WWC2: variants seen among roughly 807,000 people sequenced by gnomAD.
The protein encoded by WWC2 is WW and C2 domain containing 2, also known as protein WWC2.
WWC2 carries 101 observed loss-of-function variants against 138.5 expected under a neutral mutation model. The observed-to-expected ratio is 0.73, with a 90% confidence interval of 0.62 to 0.86. The LOEUF is 0.86. WWC2 is among the 40% of genes least tolerant of loss of function. The pLI, the probability that WWC2 is intolerant of heterozygous loss-of-function variation, is 0.00. For missense variants in WWC2, 1,420 were observed against 1,419.4 expected (o/e 1.00, Z -0.01); for synonymous variants, 558 against 538.4 (o/e 1.04, Z -0.50).
At chr4:183,217,310 T>A (rs1196015104) in intron 4 of WWC2, among the ~76,000 whole-genome samples, 1 of 152,146 alleles carries the variant, frequency 6.6e-6, no homozygotes, top group African/African-American at 2.4e-5. Context: ...TTGGGAGTGT[T>A]GGGTATATTC....
chr4:183,188,105 C>T (rs1396088568), intron 1 of WWC2, among the ~76,000 whole-genome samples: 1 of 152,180 alleles, frequency 6.6e-6, no homozygotes. Flanking sequence ...AGTTGCCAGA[C>T]ACCCAAAAGG....
intron 2 of WWC2, among the ~76,000 whole-genome samples, chr4:183,195,336 A>G (rs1042222325): frequency 1.3e-5 from 2 of 152,212 alleles, no homozygotes; most frequent in African/African-American, 4.8e-5. Flanking sequence ...TCCTGGGTCA[A>G]CAAAAATAAG....
chr4:183,287,001 C>T (rs548020240), intron 20 of WWC2, among the ~76,000 whole-genome samples: 5 of 152,050 alleles, frequency 3.3e-5, no homozygotes, highest in African/African-American at 7.2e-5. Flanking sequence ...TAAAATGATA[C>T]GGGAGCAGGG....
chr4:183,262,493 A>T (rs557835895), intron 11 of WWC2, among the ~76,000 whole-genome samples: 9 of 152,362 alleles, frequency 5.9e-5, no homozygotes, highest in South Asian at 2.1e-4. Context: ...GCCAATTCAG[A>T]TATGTAAAGA....
chr4:183,161,427 A>G (rs928408581), intron 1 of WWC2, among the ~76,000 whole-genome samples: 3 of 152,220 alleles, frequency 2.0e-5, no homozygotes, highest in Admixed American at 2.0e-4. Context: ...TAAAGCATGC[A>G]TTAGAAAACA....
chr4:183,225,581 TG>T (rs1294624740), intron 4 of WWC2, among the ~76,000 whole-genome samples: 1 of 152,080 alleles, frequency 6.6e-6, no homozygotes, highest in Admixed American at 6.5e-5. Context: ...GAGAAAACAA[TG>T]GGGGAGTAGC....
chr4:183,187,763 C>G (rs893705790), intron 1 of WWC2, among the ~76,000 whole-genome samples: 1 of 149,600 alleles, frequency 6.7e-6, no homozygotes, highest in Non-Finnish European at 1.5e-5. Context: ...ATCCTAGCTA[C>G]TTGGGAGGCT....
intron 5 of WWC2, among the ~76,000 whole-genome samples, chr4:183,244,584 T>TATAG (rs1553970894): frequency 6.7e-6 from 1 of 148,324 alleles, no homozygotes; most frequent in African/African-American, 2.5e-5. Context: ...TATATATATA[T>TATAG]AGAGAGAGAG....
chr4:183,268,413 A>G (rs939734773), intron 14 of WWC2, among the ~76,000 whole-genome samples: 2 of 152,182 alleles, frequency 1.3e-5, no homozygotes, highest in African/African-American at 2.4e-5. Flanking sequence ...GAATTTGGAG[A>G]TGCTAGACAG....
Position 183,319,315 on chromosome 4 carries a change from A to T in WWC2, c.*3586A>T, listed in dbSNP as rs2111139733. 1 of 445,880 alleles carries T rather than the reference A, an allele frequency of 2.2e-6. No homozygotes were observed. Among genetic ancestry groups the T allele is most frequent in the Non-Finnish European group, 3.9e-6 (1 of 254,744 alleles). 27.6% of individuals were successfully genotyped at this position (445,880 alleles called of 1,614,324 possible). A position where few individuals can be genotyped will look rare whatever the true frequency, so the allele number is the denominator to read the frequency against. On this transcript the variant is annotated 3_prime_UTR_variant, in exon 23 of 23. Coordinates refer to ENST00000403733, the MANE Select transcript of WWC2 (RefSeq NM_024949.6). The stretch of plus-strand genomic sequence containing the variant: ...CACTTCTGTGCAATCGCTATTTTAA[A>T]ATTGAGAAAACTCATCCACAGTAAT...
Position 183,265,058 on chromosome 4 carries a change from G to C in WWC2, c.1990G>C (p.Asp664His). 6.2e-7 allele frequency: 1 copy of C among 1,613,618 alleles called. No individual in the cohort carries two copies. The highest frequency in any genetic ancestry group is 2.2e-5 in the East Asian group (1 of 44,882). ...KTTCVSAAVS[D>H]ESVAGDSGVY... ...CACTTGTGTGTCGGCTGCTGTGTCTGATGAGTCTGTGGCTGGAGACAGTGG... is the reference window on the plus strand; with the variant it reads ...CACTTGTGTGTCGGCTGCTGTGTCTCATGAGTCTGTGGCTGGAGACAGTGG... Residue 664 changes from aspartate to histidine, a missense_variant, in exon 12 of 23, where the codon GAT becomes CAT. Transcript: ENST00000403733.
Position 183,318,537 on chromosome 4 carries a change from C to G in WWC2, c.*2808C>G, listed in dbSNP as rs1739520402. 1 of 152,024 alleles carries G rather than the reference C, an allele frequency of 6.6e-6. No homozygotes were observed. The highest frequency in any genetic ancestry group is 6.6e-5 in the Admixed American group (1 of 15,244). 9.4% of individuals were successfully genotyped at this position (152,024 alleles called of 1,614,324 possible). On this transcript the variant is annotated 3_prime_UTR_variant, in exon 23 of 23. Coordinates refer to ENST00000403733, the MANE Select transcript of WWC2 (RefSeq NM_024949.6). Reference sequence around the variant, plus strand: ...ACAAAGCTACATATTGCCTAATACTCTATTTCAGTGTCGTTTATTGTTCAG... The same window carrying G: ...ACAAAGCTACATATTGCCTAATACTGTATTTCAGTGTCGTTTATTGTTCAG...
chr4:183,215,874 A>G (rs1735742298), intron 4 of WWC2, among the ~76,000 whole-genome samples: 1 of 152,154 alleles, frequency 6.6e-6, no homozygotes, highest in African/African-American at 2.4e-5. Flanking sequence ...ATTAAAAGCA[A>G]TTAATTTTTC....
chr4:183,166,307 G>A (rs772528622), intron 1 of WWC2, among the ~76,000 whole-genome samples: 11 of 152,038 alleles, frequency 7.2e-5, no homozygotes, highest in Non-Finnish European at 1.3e-4. Context: ...GATGAGAATA[G>A]CCATCAAACT....
intron 8 of WWC2, among the ~76,000 whole-genome samples, chr4:183,253,278 G>T (rs1252639277): frequency 1.3e-5 from 2 of 152,118 alleles, no homozygotes; most frequent in South Asian, 4.1e-4. Flanking sequence ...CTGCCCTGGG[G>T]TTCCCATTTT....
intron 4 of WWC2, among the ~76,000 whole-genome samples, chr4:183,217,304 G>A (rs1204821444): frequency 6.6e-6 from 1 of 152,076 alleles, no homozygotes; most frequent in Admixed American, 6.5e-5. Context: ...AAACCTTTGG[G>A]AGTGTTGGGT....
intron 1 of WWC2, among the ~76,000 whole-genome samples, chr4:183,157,806 A>T (rs1202698617): frequency 1.8e-5 from 1 of 55,720 alleles, no homozygotes. Context: ...CAACTGTGTC[A>T]CTTAATTTTT....
At chr4:183,308,867 A>G (rs1739111208) in intron 21 of WWC2, among the ~76,000 whole-genome samples, 2 of 152,186 alleles carry the variant, frequency 1.3e-5, no homozygotes, top group African/African-American at 4.8e-5. Flanking sequence ...TTTTTTCCCA[A>G]ATATTTTCTA....
At chr4:183,243,762 TG>T (rs1736686370) in intron 5 of WWC2, among the ~76,000 whole-genome samples, 1 of 148,890 alleles carries the variant, frequency 6.7e-6, no homozygotes, top group South Asian at 2.1e-4. Context: ...TGTGTGTGTG[TG>T]TGTGTGTGTG....
Sources: allele counts gnomAD v4.1 joint callset (sites outside exome capture counted in the v4.1 genomes callset), GRCh38; gene constraint gnomAD v4.1.1; transcripts MANE v1.5; gene names NCBI Gene and HGNC (gene_info 2026-07-23, HGNC 2026-07-21).